FRYL: variants seen among roughly 807,000 people sequenced by gnomAD.
FRYL encodes FRY like transcription coactivator, also known as protein furry homolog-like.
Under a neutral mutation model 351.2 loss-of-function variants are expected in FRYL, and 150 were observed. That is an observed-to-expected ratio of 0.43 (90% confidence interval 0.37 to 0.49). The LOEUF (loss-of-function observed/expected upper bound fraction) is 0.49, where lower values mean the gene tolerates loss of function less well. Among genes scored for constraint, FRYL ranks in the 20% least tolerant of loss-of-function variants. The probability of loss-of-function intolerance (pLI) is 0.00; values close to 1 mark genes in which losing one functional copy is unlikely to be tolerated. For missense variants in FRYL, 3,036 were observed against 3,619.3 expected (o/e 0.84, Z 4.13); for synonymous variants, 1,153 against 1,257.1 (o/e 0.92, Z 1.75).
chr4:48,736,369 A>G (rs543393152), intron 1 of FRYL, among the ~76,000 whole-genome samples: 6 of 152,280 alleles, frequency 3.9e-5, no homozygotes, highest in African/African-American at 1.4e-4. Flanking sequence ...TAGAGTGGAA[A>G]TCAACAAAAT....
chr4:48,653,876 C>A lies in FRYL; in HGVS notation c.-80-19386G>T, dbSNP rs541264204. The A allele has an allele frequency of 6.3e-5, 81 of 1,279,780 alleles. 1 individual carries two copies. In the South Asian group the frequency reaches 9.9e-4, roughly 16 times the overall value. The allele number at this position is 1,279,780 out of a possible 1,614,324, so 79.3% of individuals were successfully genotyped here. On this transcript the variant is annotated intron_variant, in intron 3 of 63. Coordinates refer to ENST00000358350, the MANE Select transcript of FRYL (RefSeq NM_015030.2). The stretch of plus-strand genomic sequence containing the variant: ...GCAGCGGTTTTGCCGTTCTGTCTCT[C>A]CAAGCCGCTGTCCCTTCTCTTCTCA...
chr4:48,633,085 T>C (rs1391465378), intron 4 of FRYL, among the ~76,000 whole-genome samples: 1 of 152,154 alleles, frequency 6.6e-6, no homozygotes, highest in African/African-American at 2.4e-5. Flanking sequence ...ATCCTTCGCC[T>C]TCCTCTCCAT....
At position 48,582,547 on chromosome 4, in the gene FRYL, T is replaced by G. The variant is rs748799956; in HGVS notation, c.1936A>C (p.Asn646His). ...NAVKMLVQLI[N>H]QWKQAAQMHN... is the part of the protein sequence containing the mutation. ...ATTTGGGCTGCTTGTTTCCACTGATTTATTAATTGTACCAACATCTTTACG... is the reference window on the plus strand; with the variant it reads ...ATTTGGGCTGCTTGTTTCCACTGATGTATTAATTGTACCAACATCTTTACG... The change falls in exon 20 of 64, where the codon AAT becomes CAT. Residue 646 changes from asparagine (N) to histidine (H), a missense_variant. This residue lies in a region of FRYL where 492 missense variants were observed against 551.5 expected (regional missense o/e 0.89). Coordinates refer to ENST00000358350, the MANE Select transcript of FRYL (RefSeq NM_015030.2). 3.7e-6 allele frequency: 6 copies of G among 1,613,988 alleles called. No homozygotes were observed. Among genetic ancestry groups the G allele is most frequent in the Admixed American group, 1.7e-5 (1 of 60,012 alleles).
chr4:48,603,570 C>T (rs1437790983), intron 11 of FRYL, among the ~76,000 whole-genome samples, 182 bp from the exon 12 acceptor site: 1 of 152,124 alleles, frequency 6.6e-6, no homozygotes, highest in East Asian at 1.9e-4. Context: ...AGTCCCAGCC[C>T]TGAGTGAACA....
chr4:48,728,798 C>A (rs1481175793), intron 1 of FRYL, among the ~76,000 whole-genome samples: 1 of 152,188 alleles, frequency 6.6e-6, no homozygotes, highest in Non-Finnish European at 1.5e-5. Context: ...CAGCTCCCAG[C>A]AAGATCAACG....
chr4:48,525,932 T>C (rs545508214), intron 53 of FRYL, among the ~76,000 whole-genome samples: 1 of 151,830 alleles, frequency 6.6e-6, no homozygotes, highest in Non-Finnish European at 1.5e-5. Context: ...ATGAGTAGTA[T>C]ATGTATATGT....
chr4:48,531,918 G>GT (rs894629107), intron 49 of FRYL, among the ~76,000 whole-genome samples: 15 of 150,712 alleles, frequency 1.0e-4, no homozygotes, highest in Admixed American at 6.6e-4. Context: ...GTAGGGTGAG[G>GT]TTTTTTTTTC....
intron 1 of FRYL, among the ~76,000 whole-genome samples, chr4:48,738,580 C>T (rs1236732662): frequency 6.6e-6 from 1 of 151,958 alleles, no homozygotes; most frequent in East Asian, 1.9e-4. Flanking sequence ...TCACTGTAAC[C>T]TCAAGCTACT....
chr4:48,548,895 G>A, intron 39 of FRYL, 102 bp from the exon 40 acceptor site: 1 of 629,722 alleles, frequency 1.6e-6, no homozygotes, highest in Non-Finnish European at 2.7e-6. Flanking sequence ...ACATTTCATG[G>A]AAAAATACAA....
At chr4:48,523,703 A>T (rs1403479025) in intron 53 of FRYL, among the ~76,000 whole-genome samples, 2 of 152,218 alleles carry the variant, frequency 1.3e-5, no homozygotes, top group African/African-American at 4.8e-5. Context: ...AGAGACAGAC[A>T]CTTAAAACAA....
Position 48,500,209 on chromosome 4 carries a change from C to G in FRYL, c.8604G>C (p.Met2868Ile). Reference sequence around the variant, plus strand: ...TTTCCAGTTGGGCAAGTTCCTCTGACATGTTGATGACCTAAAACAAATACA... The same window carrying G: ...TTTCCAGTTGGGCAAGTTCCTCTGAGATGTTGATGACCTAAAACAAATACA... Reference protein sequence around the residue: ...TIKNEAEVINMSEELAQLESI... With the variant: ...TIKNEAEVINISEELAQLESI... Residue 2868 changes from methionine to isoleucine, a missense_variant, in exon 63 of 64, where the codon ATG becomes ATC. This residue lies in a region of FRYL where 1,987 missense variants were observed against 2,311.7 expected (regional missense o/e 0.86). Coordinates refer to ENST00000358350, the MANE Select transcript of FRYL (RefSeq NM_015030.2). 3 of 1,578,640 alleles carry G rather than the reference C, an allele frequency of 1.9e-6. No homozygotes were observed. Among genetic ancestry groups the G allele is most frequent in the Non-Finnish European group, 2.6e-6 (3 of 1,170,656 alleles).
chr4:48,659,210 G>C (rs1313146604), intron 3 of FRYL, among the ~76,000 whole-genome samples: 1 of 151,492 alleles, frequency 6.6e-6, no homozygotes, highest in African/African-American at 2.4e-5. Context: ...AATTAGCCAG[G>C]CATAGTGGTG....
At chr4:48,779,627 C>A (rs1407379011) in intron 1 of FRYL, among the ~76,000 whole-genome samples, 2 of 152,008 alleles carry the variant, frequency 1.3e-5, no homozygotes, top group Non-Finnish European at 2.9e-5. Flanking sequence ...TCTTCCTCCA[C>A]CTCTGCCACC....
chr4:48,527,836 T>C, intron 52 of FRYL, 135 bp downstream of exon 52: 1 of 959,356 alleles, frequency 1.0e-6, no homozygotes. Flanking sequence ...TCACAAGAGA[T>C]AAGAAATCTT....
rs61422049 is a variant in FRYL at position 48,644,497 on chromosome 4, TAA to T, written c.-80-10009_-80-10008del. 6.1e-3 allele frequency among the ~76,000 whole-genome samples: 719 copies of T among 117,612 alleles called. 3 individuals are homozygous for T. The highest frequency in any genetic ancestry group is 0.014 in the Middle Eastern group (3 of 216). 77.2% of individuals were successfully genotyped at this position (117,612 alleles called of 152,430 possible). ...TAAGTGTAGATAAATCAGATAATTG[TAA>T]AAAAAAAAAAAAAAAAAGTACCCCC... On this transcript the variant is annotated intron_variant, in intron 3 of 63. Coordinates refer to ENST00000358350, the MANE Select transcript of FRYL (RefSeq NM_015030.2).
chr4:48,720,218 C>T (rs531812358), intron 1 of FRYL, among the ~76,000 whole-genome samples: 1 of 143,998 alleles, frequency 6.9e-6, no homozygotes, highest in South Asian at 2.2e-4. Flanking sequence ...TACATTAAGG[C>T]TGGGCATGGC....
intron 26 of FRYL, among the ~76,000 whole-genome samples, 173 bp downstream of exon 26, chr4:48,573,012 TC>T (rs1268404097): frequency 1.3e-5 from 2 of 152,222 alleles, no homozygotes; most frequent in Non-Finnish European, 2.9e-5. Flanking sequence ...CAATTTTTCA[TC>T]CGTTTTACAT....
At chr4:48,671,872 A>AAAAAAAAAAAAAAAAAAAAAAAG (rs1762790407) in intron 3 of FRYL, among the ~76,000 whole-genome samples, 1 of 48,894 alleles carries the variant, frequency 2.0e-5, no homozygotes, top group Non-Finnish European at 3.8e-5. Flanking sequence ...AAAAAAAAAA[A>AAAAAAAAAAAAAAAAAAAAAAAG]CAAAAAAAAA....
rs142142142 is a variant in FRYL at position 48,551,122 on chromosome 4, G to A, written c.4520+372C>T. On this transcript the variant is annotated intron_variant, in intron 37 of 63. Transcript: ENST00000358350. ...AATACTAACAAAAGTTTACTATGACGTACATTAATTTCCACCTTATAATCC... is the reference window on the plus strand; with the variant it reads ...AATACTAACAAAAGTTTACTATGACATACATTAATTTCCACCTTATAATCC... Among the ~76,000 whole-genome samples, 346 of 150,546 alleles carry A rather than the reference G, an allele frequency of 2.3e-3. 3 individuals are homozygous for A. Among genetic ancestry groups the A allele is most frequent in the African/African-American group, 6.4e-3 (264 of 41,086 alleles).
Sources: gnomAD v4.1 joint callset for allele counts (sites outside exome capture counted in the v4.1 genomes callset) on GRCh38, gnomAD v4.1.1 for gene constraint, gnomAD v4.1.1 regional missense constraint, MANE v1.5 for transcripts, NCBI Gene and HGNC (gene_info 2026-07-23, HGNC 2026-07-21) for gene names.